C9orf85: variants seen among roughly 807,000 people sequenced by gnomAD.
C9orf85 encodes the protein uncharacterized protein C9orf85.
C9orf85 carries 16 observed loss-of-function variants against 14.9 expected under a neutral mutation model. That is an observed-to-expected ratio of 1.08 (90% confidence interval 0.73 to 1.63). C9orf85 has a LOEUF of 1.63. Among genes scored for constraint, C9orf85 ranks in the 40% most tolerant of loss-of-function variants. The pLI is 0.00. For missense variants in C9orf85, 172 were observed against 186.1 expected, an observed-to-expected ratio of 0.92 and a Z score of 0.44; for synonymous variants, 45 against 56.8, an observed-to-expected ratio of 0.79 and a Z score of 0.93.
chr9:71,965,777 ACATGTAAACAGT>A (rs769632783), intron 2 of C9orf85, among the ~76,000 whole-genome samples: 23 of 152,204 alleles, frequency 1.5e-4, no homozygotes, highest in Non-Finnish European at 2.5e-4. Flanking sequence ...TTATCAAGAA[ACATGTAAACAGT>A]GGTGACCTGT....
intron 2 of C9orf85, among the ~76,000 whole-genome samples, chr9:71,957,166 G>A (rs1447978171): frequency 1.3e-5 from 2 of 152,048 alleles, no homozygotes; most frequent in Non-Finnish European, 1.5e-5. Context: ...ATAGCAATGT[G>A]ATTATTTATC....
chr9:71,939,984 G>C (rs1828289436), intron 1 of C9orf85, among the ~76,000 whole-genome samples: 1 of 152,024 alleles, frequency 6.6e-6, no homozygotes, highest in Non-Finnish European at 1.5e-5. Flanking sequence ...ACTTGCAGAA[G>C]AAAACAGATT....
intron 3 of C9orf85, 56 bp downstream of exon 3, chr9:71,971,674 C>A: frequency 8.1e-7 from 1 of 1,230,878 alleles, no homozygotes; most frequent in South Asian, 1.2e-5. Flanking sequence ...ACATGAATTT[C>A]TTTTAAGAGA....
intron 1 of C9orf85, among the ~76,000 whole-genome samples, chr9:71,919,358 C>T (rs994092012): frequency 1.1e-4 from 16 of 152,170 alleles, no homozygotes; most frequent in African/African-American, 3.9e-4. Context: ...CAATGGGCAT[C>T]AGCAATTAAG....
chr9:71,967,628 G>T (rs1316019525), intron 2 of C9orf85, among the ~76,000 whole-genome samples: 2 of 149,570 alleles, frequency 1.3e-5, no homozygotes, highest in Non-Finnish European at 3.0e-5. Flanking sequence ...TTAAAAAATA[G>T]ATTCATTGGT....
chr9:71,917,334 T>G lies in C9orf85; in HGVS notation c.102+5498T>G, dbSNP rs111885255. 6.3e-3 allele frequency among the ~76,000 whole-genome samples: 961 copies of G among 152,134 alleles called. 10 individuals are homozygous for G. The highest frequency in any genetic ancestry group is 0.022 in the African/African-American group (903 of 41,494). On this transcript the variant is annotated intron_variant, in intron 1 of 3. Coordinates refer to ENST00000334731, the MANE Select transcript of C9orf85 (RefSeq NM_182505.5). ...TGCCATACATGTGGGCTGGTTGGGGTGGATCTCATCTCATCAGCCTGGGCT... is the reference window on the plus strand; with the variant it reads ...TGCCATACATGTGGGCTGGTTGGGGGGGATCTCATCTCATCAGCCTGGGCT...
chr9:71,953,765 C>G (rs1019519110), intron 2 of C9orf85, among the ~76,000 whole-genome samples: 30 of 152,040 alleles, frequency 2.0e-4, no homozygotes, highest in African/African-American at 7.0e-4. Context: ...TCAGATACCT[C>G]TGTGGCTTCA....
chr9:71,973,952 GTT>G (rs1212883765), downstream of C9orf85, among the ~76,000 whole-genome samples: 1 of 150,224 alleles, frequency 6.7e-6, no homozygotes, highest in East Asian at 1.9e-4. Flanking sequence ...CTGAGACAGA[GTT>G]TCACTCTTGT....
intron 2 of C9orf85, among the ~76,000 whole-genome samples, chr9:71,951,711 G>A (rs954558111): frequency 6.6e-6 from 1 of 152,066 alleles, no homozygotes; most frequent in African/African-American, 2.4e-5. Flanking sequence ...TATTTTTCAA[G>A]TGCCTTGTTT....
intron 2 of C9orf85, among the ~76,000 whole-genome samples, chr9:71,956,958 A>G (rs1822396557): frequency 6.6e-6 from 1 of 152,046 alleles, no homozygotes; most frequent in Non-Finnish European, 1.5e-5. Flanking sequence ...TTGAGTGTTT[A>G]ATTTGTGTGT....
At chr9:71,977,280 A>T (rs1048122522), downstream of C9orf85, among the ~76,000 whole-genome samples, 1 of 152,218 alleles carries the variant, frequency 6.6e-6, no homozygotes, top group African/African-American at 2.4e-5. Context: ...GTTGCTAATT[A>T]GAAATTCTGT....
At chr9:71,960,913 G>GT (rs111315320) in intron 2 of C9orf85, among the ~76,000 whole-genome samples, 4,636 of 124,508 alleles carry the variant, frequency 0.037, 79 homozygotes, top group East Asian at 0.05. Flanking sequence ...GTTCCAAATT[G>GT]TTTTTTTTTT....
At chr9:71,983,858 A>T (rs936369876), downstream of C9orf85, 1 of 152,210 alleles carries the variant, frequency 6.6e-6, no homozygotes, top group African/African-American at 2.4e-5. Flanking sequence ...GGCTTTCATC[A>T]TCTTTAAGTC....
Position 71,970,352 on chromosome 9 carries a change from T to C in C9orf85, c.210-1153T>C, listed in dbSNP as rs552249560. 3.9e-5 allele frequency among the ~76,000 whole-genome samples: 6 copies of C among 152,344 alleles called. No homozygotes were observed. The East Asian group carries it at 9.6e-4, about 24-fold the overall frequency. On this transcript the variant is annotated intron_variant, in intron 2 of 3. Transcript: ENST00000334731. ...ACTTGAAGACAATGTATTGCTCTTG[T>C]ATAGAGTGTTCTAAAATTGTCATTT...
intron 1 of C9orf85, among the ~76,000 whole-genome samples, chr9:71,914,494 G>A (rs1007574248): frequency 1.3e-5 from 2 of 152,084 alleles, no homozygotes; most frequent in Non-Finnish European, 2.9e-5. Flanking sequence ...TTATGATTTG[G>A]TAGGGGTCCT....
intron 1 of C9orf85, among the ~76,000 whole-genome samples, chr9:71,928,668 C>T (rs557782170): frequency 6.6e-6 from 1 of 152,014 alleles, no homozygotes; most frequent in African/African-American, 2.4e-5. Context: ...TGAGTTATAC[C>T]AACTCTTTAT....
chr9:71,940,086 G>A (rs976500753), intron 1 of C9orf85, among the ~76,000 whole-genome samples: 15 of 152,114 alleles, frequency 9.9e-5, no homozygotes, highest in African/African-American at 3.1e-4. Flanking sequence ...TCTGCTCTTA[G>A]GAAAAACTAT....
At chr9:71,947,937 C>T (rs1464032775) in intron 2 of C9orf85, among the ~76,000 whole-genome samples, 16 of 152,142 alleles carry the variant, frequency 1.1e-4, no homozygotes, top group African/African-American at 1.4e-4. Context: ...TGAACCACCG[C>T]GCCCAGACTT....
chr9:71,915,183 ATTT>A (rs33998724), intron 1 of C9orf85, among the ~76,000 whole-genome samples: 2 of 142,742 alleles, frequency 1.4e-5, no homozygotes, highest in Non-Finnish European at 3.1e-5. Flanking sequence ...TATTATTATT[ATTT>A]TTTTTTTTTT....
Sources: allele counts gnomAD v4.1 joint callset (sites outside exome capture counted in the v4.1 genomes callset), GRCh38; gene constraint gnomAD v4.1.1; transcripts MANE v1.5; gene names NCBI Gene and HGNC (gene_info 2026-07-23, HGNC 2026-07-21).